The following TNIP1 variants were observed in gnomAD, a reference collection of about 807,000 sequenced individuals.
TNIP1 encodes TNFAIP3-interacting protein 1.
TNIP1 carries 22 observed loss-of-function variants against 86.6 expected under a neutral mutation model. The ratio of observed to expected loss-of-function variants is 0.25; its 90% confidence interval spans 0.18 to 0.36. The LOEUF (loss-of-function observed/expected upper bound fraction) is 0.36, where lower values mean the gene tolerates loss of function less well. TNIP1 is among the 10% of genes least tolerant of loss of function. The pLI, the probability that TNIP1 is intolerant of heterozygous loss-of-function variation, is 1.00. For synonymous variants in TNIP1, 294 were observed against 313.0 expected (o/e 0.94, Z 0.64); for missense variants, 709 against 820.6 (o/e 0.86, Z 1.66).
chr5:151,048,086 C>A (rs750190984), intron 8 of TNIP1, among the ~76,000 whole-genome samples: 1 of 152,204 alleles, frequency 6.6e-6, no homozygotes, highest in Non-Finnish European at 1.5e-5. Context: ...AGGAAGGTCA[C>A]CCCCTTTGAG....
intron 11 of TNIP1, among the ~76,000 whole-genome samples, chr5:151,040,407 G>A (rs1758268056): frequency 6.6e-6 from 1 of 152,186 alleles, no homozygotes; most frequent in Non-Finnish European, 1.5e-5. Context: ...GGACTGCAGA[G>A]GGCAGGCTTG....
At chr5:151,036,657 G>A in intron 13 of TNIP1, 133 bp downstream of exon 13, 3 of 1,341,298 alleles carry the variant, frequency 2.2e-6, no homozygotes, top group South Asian at 1.4e-5. Flanking sequence ...AGAGCCAGTG[G>A]GGGGCCCTGG....
chr5:151,084,125 G>A (rs1362378235), upstream of TNIP1, among the ~76,000 whole-genome samples: 1 of 152,204 alleles, frequency 6.6e-6, no homozygotes, highest in African/African-American at 2.4e-5. Context: ...AACTCAGAGT[G>A]CCAGGCTTGA....
At chr5:151,050,789 C>A (rs1354747858) in intron 7 of TNIP1, among the ~76,000 whole-genome samples, 1 of 151,946 alleles carries the variant, frequency 6.6e-6, no homozygotes, top group Non-Finnish European at 1.5e-5. Context: ...CCCCCACCCT[C>A]TTGAGTAGCT....
At chr5:151,042,436 G>C in intron 11 of TNIP1, 104 bp downstream of exon 11, 1 of 1,496,998 alleles carries the variant, frequency 6.7e-7, no homozygotes, top group South Asian at 1.3e-5. Context: ...TTTCGCACTA[G>C]ACCCCCGGGT....
chr5:151,036,719 C>G, intron 13 of TNIP1, 71 bp downstream of exon 13: 3 of 1,607,224 alleles, frequency 1.9e-6, no homozygotes, highest in Non-Finnish European at 2.5e-6. Context: ...GATTCCAAGC[C>G]GTCTGGGCCC....
rs903260365 is a variant in TNIP1, at chr5:151,033,922, A to G, written c.1588-123T>C. On this transcript the variant is annotated intron_variant, in intron 15 of 17. Coordinates refer to ENST00000521591, the MANE Select transcript of TNIP1 (RefSeq NM_006058.5). ...AGCAGGCTGGGTACCAAAGGCTGGTATGTGGTCATGAAAGGCTGCTACATG... is the reference window on the plus strand; with the variant it reads ...AGCAGGCTGGGTACCAAAGGCTGGTGTGTGGTCATGAAAGGCTGCTACATG... 3 of 846,168 alleles carry G rather than the reference A, an allele frequency of 3.5e-6. No individual in the cohort carries two copies. The African/African-American group carries it at 5.3e-5, about 15-fold the overall frequency. The allele number at this position is 846,168 out of a possible 1,614,324, so 52.4% of individuals were successfully genotyped here.
intron 4 of TNIP1, among the ~76,000 whole-genome samples, chr5:151,061,498 G>A: frequency 6.9e-6 from 1 of 143,944 alleles, no homozygotes; most frequent in East Asian, 2.0e-4. Flanking sequence ...TTTTTTTTAT[G>A]AGAGGGTCTG....
Position 151,030,598 on chromosome 5 carries a change from C to T in TNIP1, c.*115G>A, listed in dbSNP as rs1364264640. 6 of 1,550,358 alleles carry T rather than the reference C, an allele frequency of 3.9e-6. No homozygotes were observed. Among genetic ancestry groups the T allele is most frequent in the Non-Finnish European group, 5.3e-6 (6 of 1,135,956 alleles). ...TGTACAAGCTGGCCACCCATCTCAGCCTCTCATCCAGCTGAGGCTCTGGCC... is the reference window on the plus strand; with the variant it reads ...TGTACAAGCTGGCCACCCATCTCAGTCTCTCATCCAGCTGAGGCTCTGGCC... On this transcript the variant is annotated 3_prime_UTR_variant, in exon 18 of 18. Transcript: ENST00000521591.
intron 11 of TNIP1, among the ~76,000 whole-genome samples, chr5:151,039,904 T>C (rs1335168826): frequency 1.3e-5 from 2 of 152,220 alleles, no homozygotes; most frequent in East Asian, 3.9e-4. Flanking sequence ...CCATACCCTC[T>C]ACGGAACCAG....
At chr5:151,043,151 G>C (rs1263297160) in intron 9 of TNIP1, among the ~76,000 whole-genome samples, 190 bp from the exon 10 acceptor site, 6 of 152,172 alleles carry the variant, frequency 3.9e-5, no homozygotes, top group African/African-American at 1.4e-4. Flanking sequence ...ATCCACTGCT[G>C]CATTTTACCT....
At chr5:151,083,183 C>T (rs1764146911), upstream of TNIP1, among the ~76,000 whole-genome samples, 2 of 152,336 alleles carry the variant, frequency 1.3e-5, no homozygotes, top group South Asian at 4.1e-4. Flanking sequence ...CCACTTACTA[C>T]CTGGGTGGCC....
At chr5:151,068,724 C>T (rs1269988289) in intron 1 of TNIP1, among the ~76,000 whole-genome samples, 2 of 152,176 alleles carry the variant, frequency 1.3e-5, no homozygotes, top group Non-Finnish European at 2.9e-5. Flanking sequence ...AAGATCCCTG[C>T]TCTCCCTCCA....
At chr5:151,067,970 G>A (rs1039985438) in intron 1 of TNIP1, among the ~76,000 whole-genome samples, 15 of 152,138 alleles carry the variant, frequency 9.9e-5, no homozygotes, top group African/African-American at 2.9e-4. Flanking sequence ...CCCACCCCAC[G>A]TCCTCCAAAA....
chr5:151,058,495 C>T (rs1760969084), intron 5 of TNIP1, among the ~76,000 whole-genome samples: 1 of 152,236 alleles, frequency 6.6e-6, no homozygotes, highest in African/African-American at 2.4e-5. Flanking sequence ...GGCCCAGCTC[C>T]CCTGCTGGGC....
At chr5:151,055,888 T>C (rs1291407340) in intron 6 of TNIP1, among the ~76,000 whole-genome samples, 1 of 152,166 alleles carries the variant, frequency 6.6e-6, no homozygotes, top group Non-Finnish European at 1.5e-5. Flanking sequence ...TTGCCATCTT[T>C]AGAATGGTCA....
chr5:151,070,049 A>G (rs987510979), intron 1 of TNIP1, among the ~76,000 whole-genome samples: 2 of 152,194 alleles, frequency 1.3e-5, no homozygotes, highest in African/African-American at 4.8e-5. Context: ...CACTAGCCTC[A>G]GCTCTGTCCA....
intron 1 of TNIP1, among the ~76,000 whole-genome samples, chr5:151,074,186 T>G (rs1244323470): frequency 2.0e-5 from 3 of 152,038 alleles, no homozygotes; most frequent in South Asian, 2.1e-4. Flanking sequence ...TTTTGGGGGG[T>G]TTTTCCCCAA....
intron 1 of TNIP1, among the ~76,000 whole-genome samples, chr5:151,077,621 A>G (rs888702479): frequency 5.9e-5 from 9 of 152,176 alleles, no homozygotes; most frequent in Non-Finnish European, 7.4e-5. Context: ...GCACTGAATC[A>G]TGTGCTCTTC....
Sources: allele counts gnomAD v4.1 joint callset (sites outside exome capture counted in the v4.1 genomes callset), GRCh38; gene constraint gnomAD v4.1.1; transcripts MANE v1.5; gene names NCBI Gene and HGNC (gene_info 2026-07-23, HGNC 2026-07-21).